LPIN1: variants seen among roughly 807,000 people sequenced by gnomAD.
LPIN1 encodes lipin 1.
In LPIN1, 71 loss-of-function variants were observed where a neutral mutation model predicts 107.5. The ratio of observed to expected loss-of-function variants is 0.66; its 90% CI spans 0.55 to 0.80. LPIN1 has a LOEUF of 0.80. Ranked by LOEUF, LPIN1 falls within the 30% of genes least tolerant of loss-of-function variation. LPIN1 has a pLI of 0.00. For missense variants in LPIN1, 1,043 were observed against 1,160.6 expected (o/e 0.90, Z 1.47); for synonymous variants, 445 against 452.6 (o/e 0.98, Z 0.21).
intron 1 of LPIN1, among the ~76,000 whole-genome samples, chr2:11,764,794 C>G (rs1264000190): frequency 6.6e-6 from 1 of 152,268 alleles, no homozygotes; most frequent in Non-Finnish European, 1.5e-5. Flanking sequence ...GAAATAGTCT[C>G]TTTCCTCTAC....
intron 2 of LPIN1, among the ~76,000 whole-genome samples, chr2:11,714,910 G>A (rs909269010): frequency 2.0e-5 from 3 of 152,348 alleles, no homozygotes; most frequent in South Asian, 2.1e-4. Flanking sequence ...TGAGAGGTTC[G>A]TCGTTGAGAC....
chr2:11,790,352 T>C (rs529062875), intron 12 of LPIN1, among the ~76,000 whole-genome samples: 7 of 152,236 alleles, frequency 4.6e-5, no homozygotes, highest in Non-Finnish European at 1.0e-4. Context: ...TTTTCCTTGA[T>C]GGTCACAAGG....
At chr2:11,712,059 G>A (rs1363683970) in intron 1 of LPIN1, among the ~76,000 whole-genome samples, 1 of 152,176 alleles carries the variant, frequency 6.6e-6, no homozygotes, top group East Asian at 1.9e-4. Context: ...TAGAGCACAA[G>A]GCCAGAGGTC....
rs76707775 is a variant in LPIN1 at position 11,806,685 on chromosome 2, A to T, written c.2249+1529A>T. On this transcript the variant is annotated intron_variant, in intron 17 of 20. Transcript: ENST00000674199. ...ATCTTTAAAAAATTATTAATACAAA[A>T]GTTATGCATACTTCTTAAGACATAA... 4.0e-3 allele frequency among the ~76,000 whole-genome samples: 613 copies of T among 152,336 alleles called. 5 individuals carry two copies. The highest frequency in any genetic ancestry group is 0.013 in the African/African-American group (556 of 41,578).
At chr2:11,695,819 A>C (rs112179366) in intron 1 of LPIN1, among the ~76,000 whole-genome samples, 4 of 152,292 alleles carry the variant, frequency 2.6e-5, no homozygotes, top group African/African-American at 9.6e-5. Context: ...GAACCTTAGC[A>C]TGAGTGACTC....
intron 1 of LPIN1, among the ~76,000 whole-genome samples, chr2:11,756,686 C>T (rs914511250): frequency 6.3e-4 from 96 of 152,114 alleles, no homozygotes; most frequent in African/African-American, 3.6e-4. Flanking sequence ...CGTGAGTGCC[C>T]GGCCCCTATA....
chr2:11,725,906 G>T (rs1664592944), intron 1 of LPIN1, among the ~76,000 whole-genome samples: 1 of 152,208 alleles, frequency 6.6e-6, no homozygotes, highest in Middle Eastern at 3.2e-3. Context: ...GGACATTTAA[G>T]AGATAAAGCT....
rs1364199136 is a variant in LPIN1, at chr2:11,803,939, CAAT to C, written c.2014-483_2014-481del. 6.6e-6 allele frequency among the ~76,000 whole-genome samples: 1 copy of C among 151,996 alleles called. No individual in the cohort carries two copies. Among genetic ancestry groups the C allele is most frequent in the Non-Finnish European group, 1.5e-5 (1 of 68,022 alleles). ...CTGATAACCAAGACTTCTCTTTTTC[CAAT>C]TCGTGTCAGTATAATAATAATTTAA... On this transcript the variant is annotated intron_variant, in intron 15 of 20. Transcript: ENST00000674199. The surrounding 1 kb of genome is among the most constrained non-coding windows in gnomAD (Gnocchi z 4.2).
upstream of LPIN1, among the ~76,000 whole-genome samples, chr2:11,720,887 T>C (rs1003298400): frequency 6.6e-6 from 1 of 151,824 alleles, no homozygotes; most frequent in African/African-American, 2.4e-5. Context: ...GTTAGGCATA[T>C]GAAGCAAGGT....
chr2:11,815,334 G>T, intron 18 of LPIN1, 94 bp downstream of exon 18: 1 of 1,437,130 alleles, frequency 7.0e-7, no homozygotes, highest in Non-Finnish European at 9.6e-7. Flanking sequence ...CTCCTCACTG[G>T]TCTTCTGCCC....
chr2:11,746,763 A>G, intron 1 of LPIN1, 92 bp downstream of exon 1: 1 of 649,144 alleles, frequency 1.5e-6, no homozygotes, highest in Non-Finnish European at 1.9e-6. Context: ...GGCGCTGAGG[A>G]CGCGTGGCGA....
chr2:11,813,510 C>T (rs2148718981), intron 17 of LPIN1, among the ~76,000 whole-genome samples: 1 of 152,196 alleles, frequency 6.6e-6, no homozygotes, highest in Admixed American at 6.5e-5. Flanking sequence ...CCTCACTTTC[C>T]AGACAGGGCG....
chr2:11,791,702 C>G (rs757731723), intron 12 of LPIN1: 2 of 1,404,756 alleles, frequency 1.4e-6, no homozygotes, highest in African/African-American at 2.9e-5. Context: ...TTAACATCTT[C>G]TTAAGTCTTC....
At chr2:11,811,618 A>C in intron 17 of LPIN1, among the ~76,000 whole-genome samples, 1 of 152,242 alleles carries the variant, frequency 6.6e-6, no homozygotes, top group East Asian at 1.9e-4. Flanking sequence ...TGATGTGAAG[A>C]GCTATACATG....
chr2:11,804,482 C>A lies in LPIN1; in HGVS notation c.2073C>A (p.Tyr691Ter), dbSNP rs1419728642. 6.2e-7 allele frequency: 1 copy of A among 1,614,036 alleles called. No individual in the cohort carries two copies. Among genetic ancestry groups the A allele is most frequent in the Non-Finnish European group, 8.5e-7 (1 of 1,180,022 alleles). The change falls in exon 16 of 21, where the codon TAC becomes TAA. Residue 691 changes from tyrosine to a stop codon, truncating the protein, a stop_gained. Coordinates refer to ENST00000674199, the MANE Select transcript of LPIN1 (RefSeq NM_001349206.2). LOFTEE classifies it high-confidence loss of function. ...TGGTTTTCAGTGTCACCACGCAGTA[C>A]CAAGGCACGTGCCGCTGTGAGGGCA... ...NDVVFSVTTQ[Y>*]QGTCRCEGTI...
At chr2:11,709,012 A>C (rs1042506690) in intron 1 of LPIN1, among the ~76,000 whole-genome samples, 1 of 152,142 alleles carries the variant, frequency 6.6e-6, no homozygotes, top group Non-Finnish European at 1.5e-5. Context: ...TCAAGACCAC[A>C]CAGATGGTAA....
At chr2:11,701,240 C>T (rs542159628) in intron 1 of LPIN1, among the ~76,000 whole-genome samples, 194 of 152,300 alleles carry the variant, frequency 1.3e-3, no homozygotes, top group Admixed American at 2.0e-3. Flanking sequence ...TGCCTGCATG[C>T]AGCACGCATC....
intron 1 of LPIN1, among the ~76,000 whole-genome samples, chr2:11,699,317 G>A (rs555163824): frequency 7.5e-4 from 114 of 152,324 alleles, no homozygotes; most frequent in African/African-American, 2.2e-3. Context: ...CTTTCTTGCT[G>A]AGGATAAGTC....
chr2:11,717,168 T>A (rs1297346994), intron 2 of LPIN1, among the ~76,000 whole-genome samples: 2 of 152,198 alleles, frequency 1.3e-5, no homozygotes, highest in African/African-American at 2.4e-5. Context: ...TAGAATCAAC[T>A]GGGAAATACT....
Sources: gnomAD v4.1 joint callset for allele counts (sites outside exome capture counted in the v4.1 genomes callset) on GRCh38, gnomAD v4.1.1 for gene constraint, Gnocchi (gnomAD v3.1) non-coding constraint, MANE v1.5 for transcripts, NCBI Gene and HGNC (gene_info 2026-07-23, HGNC 2026-07-21) for gene names.